The following MAPK14 variants were observed in gnomAD, a reference collection of about 807,000 sequenced individuals.
The protein encoded by MAPK14 is CSAID-binding protein.
In MAPK14, 16 loss-of-function variants were observed where a neutral mutation model predicts 49.6. The ratio of observed to expected loss-of-function variants is 0.32; its 90% CI spans 0.22 to 0.49. The LOEUF (loss-of-function observed/expected upper bound fraction) is 0.49. Ranked by LOEUF, MAPK14 falls within the 20% of genes least tolerant of loss-of-function variation. MAPK14 has a pLI of 0.99. For missense variants in MAPK14, 200 were observed against 441.2 expected (o/e 0.45, Z 4.90); for synonymous variants, 142 against 158.0 (o/e 0.90, Z 0.76).
At chr6:36,108,162 C>T (rs534488344) in intron 11 of MAPK14, among the ~76,000 whole-genome samples, 26 of 152,190 alleles carry the variant, frequency 1.7e-4, no homozygotes, top group Admixed American at 3.3e-4. Context: ...AGGCACTCAG[C>T]GATGAAAAAC....
chr6:36,069,800 G>A (rs1237590465), intron 3 of MAPK14, among the ~76,000 whole-genome samples: 1 of 151,976 alleles, frequency 6.6e-6, no homozygotes, highest in African/African-American at 2.4e-5. Context: ...ACACATAATA[G>A]CTGTACTTGA....
chr6:36,069,333 A>G (rs1210918215), intron 3 of MAPK14, among the ~76,000 whole-genome samples: 1 of 152,194 alleles, frequency 6.6e-6, no homozygotes, highest in African/African-American at 2.4e-5. Context: ...ACAATCAGCA[A>G]CTTTGCATGA....
In MAPK14 at chr6:36,028,345, C is replaced by T; in HGVS notation, c.116+72C>T. ...GCGCCCGAGGGCCAGGCCTGCTCCA[C>T]TGCTCAGCGTTGCGTCAAGTGGCAG... is the stretch of plus-strand genomic sequence containing the variant. On this transcript the variant is annotated intron_variant, in intron 1 of 11. Coordinates refer to ENST00000229794, the MANE Select transcript of MAPK14 (RefSeq NM_139012.3). This position sits in a 1 kb window ranked among gnomAD's most constrained non-coding sequence, Gnocchi z 5.1. The T allele has an allele frequency of 4.7e-6, 5 of 1,072,222 alleles. No individual in the cohort carries two copies. Among genetic ancestry groups the T allele is most frequent in the Non-Finnish European group, 7.2e-6 (5 of 698,698 alleles). 66.4% of individuals were successfully genotyped at this position (1,072,222 alleles called of 1,614,324 possible). A position where few individuals can be genotyped will look rare whatever the true frequency, so the allele number is the denominator to read the frequency against.
intron 2 of MAPK14, 105 bp downstream of exon 2, chr6:36,052,933 G>C (rs983026068): frequency 1.0e-6 from 1 of 965,628 alleles, no homozygotes. Context: ...TCAAACGTTG[G>C]TCCCTGCTCC....
At chr6:36,114,123 G>A (rs1446478676), downstream of MAPK14, among the ~76,000 whole-genome samples, 1 of 152,246 alleles carries the variant, frequency 6.6e-6, no homozygotes, top group South Asian at 2.1e-4. Context: ...ACTAATGCCA[G>A]TAGCACTCAT....
chr6:36,032,094 T>G (rs77010689), intron 1 of MAPK14, among the ~76,000 whole-genome samples: 2,645 of 152,158 alleles, frequency 0.017, 74 homozygotes, highest in African/African-American at 0.06. Context: ...TGAATTTTAT[T>G]TTCAAGAATG....
chr6:36,060,504 C>CT (rs1299550273), intron 3 of MAPK14, among the ~76,000 whole-genome samples: 1 of 152,194 alleles, frequency 6.6e-6, no homozygotes, highest in Non-Finnish European at 1.5e-5. Context: ...GAGAGTGTTA[C>CT]TATTATGAAA....
chr6:36,063,651 A>G (rs1763920579), intron 3 of MAPK14, among the ~76,000 whole-genome samples: 1 of 152,172 alleles, frequency 6.6e-6, no homozygotes, highest in Non-Finnish European at 1.5e-5. Context: ...TATGTTTTAA[A>G]TTTTAATTCT....
At chr6:36,065,415 AC>A in intron 3 of MAPK14, among the ~76,000 whole-genome samples, 1 of 152,056 alleles carries the variant, frequency 6.6e-6, no homozygotes, top group East Asian at 1.9e-4. Flanking sequence ...AAAAATGTAT[AC>A]ACAGAGGGCT....
chr6:36,115,569 G>C (rs1288055786), downstream of MAPK14, among the ~76,000 whole-genome samples: 1 of 151,784 alleles, frequency 6.6e-6, no homozygotes, highest in East Asian at 1.9e-4. Context: ...CAGAACACTT[G>C]AGGTCAGGAG....
chr6:36,032,765 A>G (rs1212949054), intron 1 of MAPK14, among the ~76,000 whole-genome samples: 1 of 152,352 alleles, frequency 6.6e-6, no homozygotes, highest in African/African-American at 2.4e-5. Context: ...TAATAACTAC[A>G]TTTTGTGGAT....
chr6:36,070,981 A>G lies in MAPK14; in HGVS notation c.306-1892A>G, dbSNP rs115715043. Reference sequence around the variant, plus strand: ...CTCAGCTGATATATATTATTACCCAATCTCAGGAATAGGAATGATTCTTAG... The same window carrying G: ...CTCAGCTGATATATATTATTACCCAGTCTCAGGAATAGGAATGATTCTTAG... On this transcript the variant is annotated intron_variant, in intron 3 of 11. Coordinates refer to ENST00000229794, the MANE Select transcript of MAPK14 (RefSeq NM_139012.3). Among the ~76,000 whole-genome samples, 1,434 of 152,254 alleles carry G rather than the reference A, an allele frequency of 9.4e-3. 18 individuals carry two copies. The highest frequency in any genetic ancestry group is 0.032 in the African/African-American group (1,331 of 41,530).
intron 3 of MAPK14, among the ~76,000 whole-genome samples, chr6:36,066,784 G>A (rs1253253288): frequency 6.6e-6 from 1 of 151,592 alleles, no homozygotes; most frequent in Non-Finnish European, 1.5e-5. Flanking sequence ...GTATGTGTAG[G>A]GTTATTCCTG....
intron 9 of MAPK14, among the ~76,000 whole-genome samples, chr6:36,098,916 G>A (rs193114323): frequency 1.1e-4 from 17 of 152,234 alleles, no homozygotes; most frequent in African/African-American, 1.7e-4. Flanking sequence ...ATCTGTTAAC[G>A]TTTCTTAAAA....
At chr6:36,102,259 T>A (rs1765664094) in intron 9 of MAPK14, among the ~76,000 whole-genome samples, 2 of 152,244 alleles carry the variant, frequency 1.3e-5, no homozygotes, top group African/African-American at 4.8e-5. Context: ...GGGCTACTTC[T>A]TACATATCTT....
rs138068771 is a variant in MAPK14, at chr6:36,050,599, A to G, written c.117-2100A>G. On this transcript the variant is annotated intron_variant, in intron 1 of 11. Coordinates refer to ENST00000229794, the MANE Select transcript of MAPK14 (RefSeq NM_139012.3). ...GAGAGTGTAGAGAGATCTTCTGGAT[A>G]GAAACTAACTTTTCAATGAATGATG... 8.7e-4 allele frequency among the ~76,000 whole-genome samples: 133 copies of G among 152,334 alleles called. 1 individual carries two copies. The highest frequency in any genetic ancestry group is 3.0e-3 in the African/African-American group (125 of 41,592).
chr6:36,045,854 A>C (rs923124461), intron 1 of MAPK14, among the ~76,000 whole-genome samples: 5 of 150,862 alleles, frequency 3.3e-5, no homozygotes, highest in Non-Finnish European at 7.4e-5. Flanking sequence ...ACCTCATGAT[A>C]TATGCTAACC....
chr6:36,111,289 CAG>C (rs1765967605), downstream of MAPK14: 3 of 152,362 alleles, frequency 2.0e-5, no homozygotes, highest in South Asian at 6.2e-4. Context: ...GCTACAGTGA[CAG>C]AGGCAAATAG....
intron 5 of MAPK14, 27 bp from the exon 6 acceptor site, chr6:36,074,021 TC>T (rs781490600): frequency 1.5e-5 from 24 of 1,571,358 alleles, no homozygotes; most frequent in African/African-American, 2.7e-5. Context: ...ATAAAGTTGA[TC>T]CTGTCTTCCC....
Sources: gnomAD v4.1 joint callset for allele counts (sites outside exome capture counted in the v4.1 genomes callset) on GRCh38, gnomAD v4.1.1 for gene constraint, Gnocchi (gnomAD v3.1) non-coding constraint, MANE v1.5 for transcripts, NCBI Gene and HGNC (gene_info 2026-07-23, HGNC 2026-07-21) for gene names.